CAMTA1: variants seen among roughly 807,000 people sequenced by gnomAD.
CAMTA1 encodes the protein calmodulin-binding transcription activator 1.
A neutral mutation model predicts 170.9 loss-of-function variants in CAMTA1; 27 were observed. The ratio of observed to expected loss-of-function variants is 0.16; its 90% CI spans 0.12 to 0.22. The LOEUF is 0.22. Ranked by LOEUF, CAMTA1 falls within the 10% of genes least tolerant of loss-of-function variation. CAMTA1 has a pLI of 1.00. For missense variants in CAMTA1, 1,619 were observed against 2,217.2 expected, an observed-to-expected ratio of 0.73 and a Z score of 5.42; for synonymous variants, 833 against 891.5, an observed-to-expected ratio of 0.93 and a Z score of 1.17.
chr1:7,388,349 GC>G (rs1004358615), intron 5 of CAMTA1: 7 of 152,370 alleles, frequency 4.6e-5, no homozygotes, highest in African/African-American at 1.7e-4. Flanking sequence ...GAGGAGAGGA[GC>G]CTCTCTTCTG....
chr1:7,001,999 C>A lies in CAMTA1; in HGVS notation c.235-89305C>A, dbSNP rs1006434159. Among the ~76,000 whole-genome samples, 6 of 150,968 alleles carry A rather than the reference C, an allele frequency of 4.0e-5. No homozygotes were observed. The South Asian group carries it at 1.0e-3, about 26-fold the overall frequency. On this transcript the variant is annotated intron_variant, in intron 3 of 22. Coordinates refer to ENST00000303635, the MANE Select transcript of CAMTA1 (RefSeq NM_015215.4). ...GCAACCTCCGCCTCCCAGGTTCAAG[C>A]AATTCTCCTGCCTCAGCATCCTGAG... is the stretch of plus-strand genomic sequence containing the variant.
intron 6 of CAMTA1, among the ~76,000 whole-genome samples, chr1:7,483,333 C>G (rs1186988875): frequency 1.3e-5 from 2 of 152,194 alleles, no homozygotes; most frequent in Non-Finnish European, 2.9e-5. Context: ...TGAGTTCAAT[C>G]TAAAATCTGG....
At chr1:7,423,694 G>A (rs572485127) in intron 5 of CAMTA1, among the ~76,000 whole-genome samples, 1 of 151,988 alleles carries the variant, frequency 6.6e-6, no homozygotes, top group African/African-American at 2.4e-5. Flanking sequence ...AATAAAATGC[G>A]CAACGACTTC....
intron 3 of CAMTA1, among the ~76,000 whole-genome samples, chr1:7,040,705 T>C (rs1704305758): frequency 6.6e-6 from 1 of 151,164 alleles, no homozygotes. Context: ...ACTTTCTGCC[T>C]TGGCCATGGA....
chr1:7,697,106 G>A (rs1219246189), intron 11 of CAMTA1, among the ~76,000 whole-genome samples: 1 of 152,188 alleles, frequency 6.6e-6, no homozygotes, highest in African/African-American at 2.4e-5. Flanking sequence ...TCACACAGCT[G>A]CTGTGCAGGC....
chr1:7,428,816 G>T (rs1027352846), intron 5 of CAMTA1, among the ~76,000 whole-genome samples: 5 of 152,058 alleles, frequency 3.3e-5, no homozygotes, highest in Non-Finnish European at 7.4e-5. Flanking sequence ...ATTGGTTTCG[G>T]AGCTGGTTGT....
At chr1:7,165,947 A>G (rs1269634219) in intron 4 of CAMTA1, among the ~76,000 whole-genome samples, 1 of 152,190 alleles carries the variant, frequency 6.6e-6, no homozygotes, top group Non-Finnish European at 1.5e-5. Context: ...TTACATATGT[A>G]TATCATAACA....
chr1:6,916,765 G>A (rs1018292557), intron 3 of CAMTA1, among the ~76,000 whole-genome samples: 1 of 152,154 alleles, frequency 6.6e-6, no homozygotes, highest in Non-Finnish European at 1.5e-5. Context: ...CAGTAGATAC[G>A]TTTTCTGCTT....
intron 5 of CAMTA1, among the ~76,000 whole-genome samples, chr1:7,449,765 G>A (rs2092772109): frequency 9.8e-6 from 1 of 101,578 alleles, no homozygotes; most frequent in Non-Finnish European, 1.9e-5. Context: ...GCAAGACTCG[G>A]TCTCAAAAAA....
At chr1:6,927,951 C>A (rs1046648763) in intron 3 of CAMTA1, among the ~76,000 whole-genome samples, 1 of 152,164 alleles carries the variant, frequency 6.6e-6, no homozygotes, top group Non-Finnish European at 1.5e-5. Context: ...GCAGGAGAGA[C>A]GACAAGGATC....
In CAMTA1 at chr1:6,887,953, G is replaced by T. The variant is rs1389728998; in HGVS notation, c.234+62743G>T. ...GCCTGACTGAGCTCTGGAGAGCAGG[G>T]CTCTGTGCACACGCCTCCTGGTCCA... On this transcript the variant is annotated intron_variant, in intron 3 of 22. Coordinates refer to ENST00000303635, the MANE Select transcript of CAMTA1 (RefSeq NM_015215.4). This position sits in a 1 kb window ranked among gnomAD's most constrained non-coding sequence, Gnocchi z 4.1. 2 of 1,288,912 alleles carry T rather than the reference G, an allele frequency of 1.6e-6. No homozygotes were observed. The highest frequency in any genetic ancestry group is 9.9e-7 in the Non-Finnish European group (1 of 1,009,444). The allele number at this position is 1,288,912 out of a possible 1,614,324, so 79.8% of individuals were successfully genotyped here. A position where few individuals can be genotyped will look rare whatever the true frequency, so the allele number is the denominator to read the frequency against.
At chr1:6,956,050 G>C (rs1213090034) in intron 3 of CAMTA1, among the ~76,000 whole-genome samples, 1 of 152,146 alleles carries the variant, frequency 6.6e-6, no homozygotes, top group African/African-American at 2.4e-5. Context: ...CCTCAGATAC[G>C]TACTGAGCGT....
chr1:6,832,998 C>T (rs1253104776), intron 3 of CAMTA1, among the ~76,000 whole-genome samples: 1 of 152,134 alleles, frequency 6.6e-6, no homozygotes, highest in African/African-American at 2.4e-5. Flanking sequence ...ATCAGGCAGC[C>T]TGTGTCAAGT....
chr1:7,574,345 AG>A (rs1216981143), intron 6 of CAMTA1, among the ~76,000 whole-genome samples: 2 of 152,172 alleles, frequency 1.3e-5, no homozygotes, highest in African/African-American at 4.8e-5. Flanking sequence ...CCACCCAGGA[AG>A]GAAGGGCAGC....
At chr1:7,410,902 TG>T in intron 5 of CAMTA1, among the ~76,000 whole-genome samples, 1 of 10,900 alleles carries the variant, frequency 9.2e-5, no homozygotes, top group African/African-American at 9.3e-4. Flanking sequence ...GGCGTCTGTG[TG>T]TGTGTGTGTG....
Position 7,750,141 on chromosome 1 carries a change from A to G in CAMTA1, c.4690-1058A>G, listed in dbSNP as rs538887897. Among the ~76,000 whole-genome samples the G allele has an allele frequency of 3.7e-4, 57 of 152,334 alleles. No homozygotes were observed. In the South Asian group the frequency reaches 6.4e-3, roughly 17 times the overall value. On this transcript the variant is annotated intron_variant, in intron 19 of 22. Transcript: ENST00000303635. ...TGCACAGGTGGAGACGATGGAAACC[A>G]CAGGGGCTCTGTAGTCTGCAGCATT...
intron 4 of CAMTA1, among the ~76,000 whole-genome samples, chr1:7,218,760 A>G (rs1573972533): frequency 6.6e-6 from 1 of 152,012 alleles, no homozygotes; most frequent in East Asian, 1.9e-4. Context: ...GACCCATCTT[A>G]TCCTCTTGCT....
chr1:7,255,224 C>T (rs772960045), intron 5 of CAMTA1, among the ~76,000 whole-genome samples: 9 of 151,746 alleles, frequency 5.9e-5, no homozygotes, highest in Admixed American at 2.0e-4. Flanking sequence ...CACTGTGGCG[C>T]GTGTATACCT....
chr1:7,387,730 G>A (rs2088175705), intron 5 of CAMTA1, among the ~76,000 whole-genome samples: 1 of 152,226 alleles, frequency 6.6e-6, no homozygotes, highest in Non-Finnish European at 1.5e-5. Flanking sequence ...TGGGTAGGAG[G>A]TTATGACAGG....
Sources: gnomAD v4.1 joint callset for allele counts (sites outside exome capture counted in the v4.1 genomes callset) on GRCh38, gnomAD v4.1.1 for gene constraint, Gnocchi (gnomAD v3.1) non-coding constraint, MANE v1.5 for transcripts, NCBI Gene and HGNC (gene_info 2026-07-23, HGNC 2026-07-21) for gene names.